GRK5: variants seen among roughly 807,000 people sequenced by gnomAD.
GRK5 encodes the protein g protein-coupled receptor kinase GRK5.
In GRK5, 40 loss-of-function variants were observed where a neutral mutation model predicts 78.4. That is an observed-to-expected ratio of 0.51 (90% CI 0.40 to 0.66). The LOEUF (loss-of-function observed/expected upper bound fraction) is 0.66. Ranked by LOEUF, GRK5 falls within the 30% of genes least tolerant of loss-of-function variation. GRK5 has a pLI of 0.00. For synonymous variants in GRK5, 289 were observed against 296.8 expected (o/e 0.97, Z 0.27); for missense variants, 598 against 759.9 (o/e 0.79, Z 2.50).
At chr10:119,224,634 G>A (rs1483575523) in intron 1 of GRK5, among the ~76,000 whole-genome samples, 4 of 152,092 alleles carry the variant, frequency 2.6e-5, no homozygotes, top group Non-Finnish European at 5.9e-5. Flanking sequence ...GGCTGGTCTC[G>A]AACTTCTGAC....
At chr10:119,392,032 T>G (rs977837359) in intron 3 of GRK5, among the ~76,000 whole-genome samples, 3 of 152,136 alleles carry the variant, frequency 2.0e-5, no homozygotes, top group Admixed American at 2.0e-4. Context: ...AGGGCCGGCT[T>G]CTTTGAAAAC....
chr10:119,312,426 C>T (rs549449953), intron 1 of GRK5, among the ~76,000 whole-genome samples: 4 of 152,266 alleles, frequency 2.6e-5, no homozygotes, highest in South Asian at 2.1e-4. Context: ...GCCAGAGCAG[C>T]GAGAATGAGA....
In GRK5 at chr10:119,380,888, G is replaced by A. The variant is rs1207296454; in HGVS notation, c.222G>A (p.Arg74=). ...TTTTCCGGCAGTTTTGTGAAACCAG[G>A]CCTGGGCTGGAGTGTTACATTCAGT... ...RLLFRQFCET[R]PGLECYIQFL... The change falls in exon 3 of 16, where the codon AGG becomes AGA. Residue 74 remains arginine (R), a synonymous_variant. Coordinates refer to ENST00000392870, the MANE Select transcript of GRK5 (RefSeq NM_005308.3). 1.2e-6 allele frequency: 2 copies of A among 1,613,466 alleles called. No homozygotes were observed. Among genetic ancestry groups the A allele is most frequent in the East Asian group, 2.2e-5 (1 of 44,858 alleles).
At chr10:119,236,122 T>A (rs866896981) in intron 1 of GRK5, among the ~76,000 whole-genome samples, 36 of 152,322 alleles carry the variant, frequency 2.4e-4, no homozygotes, top group Middle Eastern at 3.4e-3. Flanking sequence ...TGTCCTGTAA[T>A]CTCAGCACTT....
intron 2 of GRK5, chr10:119,334,675 C>T (rs1850843555): frequency 6.6e-6 from 1 of 152,060 alleles, no homozygotes; most frequent in South Asian, 2.1e-4. Context: ...AGCTCAGGCT[C>T]ATTGCGTACT....
chr10:119,298,360 T>C (rs1273364441), intron 1 of GRK5, among the ~76,000 whole-genome samples: 1 of 152,098 alleles, frequency 6.6e-6, no homozygotes, highest in East Asian at 1.9e-4. Context: ...TGAGGCTTCT[T>C]ACCCAGTCAC....
At chr10:119,311,321 C>T (rs55988353) in intron 1 of GRK5, among the ~76,000 whole-genome samples, 8,373 of 152,136 alleles carry the variant, frequency 0.055, 282 homozygotes, top group African/African-American at 0.098. Context: ...TGCATTCCAA[C>T]GGGAGATGAG....
chr10:119,271,490 A>G lies in GRK5; in HGVS notation c.53-55026A>G, dbSNP rs1339064110. On this transcript the variant is annotated intron_variant, in intron 1 of 15. Coordinates refer to ENST00000392870, the MANE Select transcript of GRK5 (RefSeq NM_005308.3). The surrounding 1 kb of genome is among the most constrained non-coding windows in gnomAD (Gnocchi z 4.1). ...TCTAGTAAACAGACATTTAGCATAT[A>G]CAGATCTGCACACTTGACAAAGAGG... is the stretch of plus-strand genomic sequence containing the variant. Among the ~76,000 whole-genome samples the G allele has an allele frequency of 1.3e-5, 2 of 152,206 alleles. No homozygotes were observed. The highest frequency in any genetic ancestry group is 4.8e-5 in the African/African-American group (2 of 41,442).
chr10:119,425,581 A>G (rs1852662500), intron 6 of GRK5, among the ~76,000 whole-genome samples: 1 of 152,178 alleles, frequency 6.6e-6, no homozygotes, highest in South Asian at 2.1e-4. Flanking sequence ...CTGATTTTAA[A>G]CCGTGAGTGC....
chr10:119,258,513 C>G (rs1234504422), intron 1 of GRK5, among the ~76,000 whole-genome samples: 1 of 152,186 alleles, frequency 6.6e-6, no homozygotes, highest in Non-Finnish European at 1.5e-5. Flanking sequence ...AAGCTGCTTT[C>G]CAAAGAGCTG....
intron 4 of GRK5, among the ~76,000 whole-genome samples, chr10:119,402,686 C>G (rs1420976384): frequency 7.2e-5 from 11 of 152,044 alleles, no homozygotes; most frequent in Admixed American, 7.2e-4. Context: ...AACCCTGTCT[C>G]CACTAAAAAT....
At chr10:119,285,271 T>G (rs1229490862) in intron 1 of GRK5, among the ~76,000 whole-genome samples, 1 of 152,076 alleles carries the variant, frequency 6.6e-6, no homozygotes, top group East Asian at 1.9e-4. Context: ...CAAATGGGTC[T>G]CTAATGAAAG....
intron 15 of GRK5, among the ~76,000 whole-genome samples, chr10:119,454,523 T>A (rs1017829289): frequency 6.6e-6 from 1 of 152,126 alleles, no homozygotes; most frequent in African/African-American, 2.4e-5. Flanking sequence ...CGACCGCCCA[T>A]CTCTCCCAGG....
At chr10:119,392,000 C>A (rs10886472) in intron 3 of GRK5, among the ~76,000 whole-genome samples, 54,268 of 152,046 alleles carry the variant, frequency 0.36, 11,946 homozygotes, top group Non-Finnish European at 0.47. Context: ...GGAATTCAGC[C>A]CAGACTGCCC....
chr10:119,218,311 AG>A (rs2133705238), intron 1 of GRK5, among the ~76,000 whole-genome samples: 1 of 152,238 alleles, frequency 6.6e-6, no homozygotes, highest in African/African-American at 2.4e-5. Flanking sequence ...TACCCACTCC[AG>A]GAAGGGAAGG....
intron 2 of GRK5, among the ~76,000 whole-genome samples, chr10:119,331,770 C>G (rs527990680): frequency 1.3e-5 from 2 of 152,374 alleles, no homozygotes; most frequent in African/African-American, 4.8e-5. Flanking sequence ...TAGACCATCT[C>G]TACCTAGCAG....
chr10:119,220,305 T>C (rs1247313818), intron 1 of GRK5, among the ~76,000 whole-genome samples: 1 of 152,232 alleles, frequency 6.6e-6, no homozygotes, highest in Non-Finnish European at 1.5e-5. Context: ...CCCAGATGTC[T>C]TCCCTTCAGC....
chr10:119,369,123 C>T (rs1045908076), intron 2 of GRK5, among the ~76,000 whole-genome samples: 2 of 152,156 alleles, frequency 1.3e-5, no homozygotes, highest in African/African-American at 4.8e-5. Flanking sequence ...GTGTTGGAAT[C>T]ACCTAGGGAG....
chr10:119,347,088 T>C (rs776124301), intron 2 of GRK5, among the ~76,000 whole-genome samples: 6 of 152,184 alleles, frequency 3.9e-5, no homozygotes, highest in Non-Finnish European at 7.4e-5. Context: ...CTGGTTTATC[T>C]GAGAGGGCCT....
Sources: allele counts gnomAD v4.1 joint callset (sites outside exome capture counted in the v4.1 genomes callset), GRCh38; gene constraint gnomAD v4.1.1; non-coding constraint Gnocchi (gnomAD v3.1); transcripts MANE v1.5; gene names NCBI Gene and HGNC (gene_info 2026-07-23, HGNC 2026-07-21).